The following AIRIM variants were observed in gnomAD, a reference collection of about 807,000 sequenced individuals.
The protein encoded by AIRIM is AFG2-interacting ribosome maturation factor.
chr1:37,686,244 C>A, the AIRIM span: 1 of 1,584,762 alleles, frequency 6.3e-7, no homozygotes, highest in Non-Finnish European at 8.6e-7. Flanking sequence ...ACAGCTCTGG[C>A]TGTGACCTGA....
At chr1:37,681,583 T>G in the AIRIM span, 25 of 152,362 alleles carry the variant, frequency 1.6e-4, no homozygotes, top group African/African-American at 6.0e-4. Context: ...TTTTTAAGTT[T>G]TATTTGCAAT....
At chr1:37,683,409 A>T in the AIRIM span, 1 of 1,614,064 alleles carries the variant, frequency 6.2e-7, no homozygotes. Context: ...CACTGGATAG[A>T]CGAAAGAAGA....
At chr1:37,687,105 T>C in the AIRIM span, among the ~76,000 whole-genome samples, 14 of 141,570 alleles carry the variant, frequency 9.9e-5, no homozygotes, top group Admixed American at 1.4e-4. Flanking sequence ...TGTGTGTGTG[T>C]GTGTGTATAG....
At chr1:37,685,690 C>G in the AIRIM span, among the ~76,000 whole-genome samples, 2 of 152,056 alleles carry the variant, frequency 1.3e-5, no homozygotes, top group African/African-American at 2.4e-5. Flanking sequence ...GCCCAGACCC[C>G]AAATTCTTTC....
At chr1:37,689,471 A>G in the AIRIM span, 1 of 1,020,930 alleles carries the variant, frequency 9.8e-7, no homozygotes, top group Non-Finnish European at 1.4e-6. Context: ...CCCCAGATGA[A>G]GTAAGGAAGG....
the AIRIM span, chr1:37,682,181 T>G: frequency 1.3e-5 from 2 of 152,390 alleles, no homozygotes; most frequent in African/African-American, 4.8e-5. Context: ...TAAAAGCTTA[T>G]CACTTATAAG....
chr1:37,692,239 C>CCA, the AIRIM span: 11 of 203,086 alleles, frequency 5.4e-5, no homozygotes, highest in African/African-American at 2.3e-4. Context: ...TGCAGAGCCG[C>CCA]CACAAGGCCT....
At chr1:37,688,344 G>A in the AIRIM span, among the ~76,000 whole-genome samples, 1 of 152,044 alleles carries the variant, frequency 6.6e-6, no homozygotes, top group East Asian at 1.9e-4. Context: ...CACCGTGCCG[G>A]GCCAGTCATA....
At chr1:37,682,874 C>T in the AIRIM span, 1 of 506,304 alleles carries the variant, frequency 2.0e-6, no homozygotes, top group South Asian at 2.3e-5. Context: ...TCTCTAGCTC[C>T]ATCCACTTCC....
At chr1:37,689,472 G>A in the AIRIM span, 1 of 1,077,414 alleles carries the variant, frequency 9.3e-7, no homozygotes, top group Admixed American at 2.7e-5. Context: ...CCCAGATGAA[G>A]TAAGGAAGGT....
the AIRIM span, among the ~76,000 whole-genome samples, chr1:37,688,691 G>A: frequency 2.0e-5 from 3 of 152,082 alleles, no homozygotes; most frequent in Non-Finnish European, 4.4e-5. Context: ...TCTATATACT[G>A]GAACTTTCTT....
chr1:37,690,501 C>G, the AIRIM span: 1 of 1,203,196 alleles, frequency 8.3e-7, no homozygotes, highest in African/African-American at 1.6e-5. Flanking sequence ...CCAGGGACTG[C>G]ACCACGCGCC....
chr1:37,688,841 T>C, the AIRIM span, among the ~76,000 whole-genome samples: 17 of 151,900 alleles, frequency 1.1e-4, no homozygotes, highest in African/African-American at 4.1e-4. Context: ...AAGTGCACGC[T>C]TGTTGTCCCA....
At chr1:37,691,644 G>C in the AIRIM span, 1 of 153,036 alleles carries the variant, frequency 6.5e-6, no homozygotes, top group Non-Finnish European at 1.5e-5. Flanking sequence ...GCGGCTCGGC[G>C]GGGCTCGCCG....
the AIRIM span, chr1:37,689,523 C>T: frequency 1.4e-6 from 2 of 1,449,264 alleles, no homozygotes; most frequent in Non-Finnish European, 1.8e-6. Flanking sequence ...GAGAAAAACA[C>T]CTTCTGGACT....
the AIRIM span, among the ~76,000 whole-genome samples, chr1:37,688,587 G>C: frequency 6.6e-6 from 1 of 152,018 alleles, no homozygotes; most frequent in Non-Finnish European, 1.5e-5. Flanking sequence ...CCTTGTGCTT[G>C]GCATCCCACA....
the AIRIM span, chr1:37,690,231 C>T: frequency 6.8e-3 from 8,659 of 1,267,654 alleles, 39 homozygotes; most frequent in Non-Finnish European, 8.2e-3. Context: ...GTGATCCGCC[C>T]GCCTCGGTCT....
At chr1:37,682,964 T>C in the AIRIM span, 1 of 719,326 alleles carries the variant, frequency 1.4e-6, no homozygotes, top group Non-Finnish European at 2.3e-6. Context: ...AAATCAGACA[T>C]CTAGGCGCTA....
the AIRIM span, among the ~76,000 whole-genome samples, chr1:37,687,106 G>A: frequency 0.34 from 41,100 of 120,904 alleles, 6,163 homozygotes; most frequent in African/African-American, 0.43. Context: ...GTGTGTGTGT[G>A]TGTGTATAGT....
Sources: gnomAD v4.1 joint callset for allele counts (sites outside exome capture counted in the v4.1 genomes callset) on GRCh38, gnomAD v4.1.1 for gene constraint, MANE v1.5 for transcripts, NCBI Gene and HGNC (gene_info 2026-07-23, HGNC 2026-07-21) for gene names.